SSMEM1: variants seen among roughly 807,000 people sequenced by gnomAD.
The protein encoded by SSMEM1 is serine-rich single-pass membrane protein 1.
In SSMEM1, 12 loss-of-function variants were observed where a neutral mutation model predicts 9.9. The ratio of observed to expected loss-of-function variants is 1.21; its 90% CI spans 0.78 to 1.96. The LOEUF is 1.96. Ranked by LOEUF, SSMEM1 falls within the 30% of genes most tolerant of loss-of-function variation. The probability of loss-of-function intolerance (pLI) is 0.00; values close to 1 mark genes in which losing one functional copy is unlikely to be tolerated. For synonymous variants in SSMEM1, 96 were observed against 98.9 expected (o/e 0.97, Z 0.17); for missense variants, 259 against 292.2 (o/e 0.89, Z 0.83).
rs1283189590 is a variant in SSMEM1 at position 130,216,608 on chromosome 7, G to C, written c.*138G>C. The C allele has an allele frequency of 1.0e-5, 11 of 1,101,424 alleles. No homozygotes were observed. The East Asian group carries it at 2.2e-4, about 22-fold the overall frequency. The allele number at this position is 1,101,424 out of a possible 1,614,324, so 68.2% of individuals were successfully genotyped here. A position where few individuals can be genotyped will look rare whatever the true frequency, so the allele number is the denominator to read the frequency against. On this transcript the variant is annotated 3_prime_UTR_variant, in exon 3 of 3. Transcript: ENST00000297819. ...AAACAAAAACATACTTGGAACCCAA[G>C]AGGTAAAATCTCACACAATTCTTCG...
chr7:130,212,616 T>C (rs182396538), intron 1 of SSMEM1, among the ~76,000 whole-genome samples: 4 of 151,654 alleles, frequency 2.6e-5, no homozygotes, highest in African/African-American at 9.7e-5. Flanking sequence ...TCCCAGCTAC[T>C]CGGGAGGCTG....
rs562554721 is a variant in SSMEM1, at chr7:130,210,824, G to C, written c.184-2656G>C. Among the ~76,000 whole-genome samples the C allele has an allele frequency of 2.0e-5, 3 of 152,268 alleles. No homozygotes were observed. The East Asian group carries it at 5.8e-4, about 29-fold the overall frequency. On this transcript the variant is annotated intron_variant, in intron 1 of 2. Coordinates refer to ENST00000297819, the MANE Select transcript of SSMEM1 (RefSeq NM_145268.4). ...GCAAAATCTTTCTTTTGATTTTGTG[G>C]CTATGTTTTGATTTGACATCAAATG...
At position 130,216,437 on chromosome 7, in the gene SSMEM1, A is replaced by G. The variant is rs761477001; in HGVS notation, c.702A>G (p.Ile234Met). ...GAGACAGTCAAGAGGAAAGTTCCAT[A>G]TCTGACATTAACAAGAAATTTAGTA... The part of the protein sequence containing the change: ...MKRDSQEESS[I>M]SDINKKFSKF The change falls in exon 3 of 3, where the codon ATA (isoleucine) becomes ATG (methionine). Residue 234 changes from isoleucine to methionine, a missense_variant. Coordinates refer to ENST00000297819, the MANE Select transcript of SSMEM1 (RefSeq NM_145268.4). The G allele has an allele frequency of 1.2e-6, 2 of 1,611,296 alleles. No individual in the cohort carries two copies. The highest frequency in any genetic ancestry group is 2.2e-5 in the South Asian group (2 of 90,964).
upstream of SSMEM1, among the ~76,000 whole-genome samples, chr7:130,206,009 C>A (rs1326261405): frequency 6.6e-6 from 1 of 152,154 alleles, no homozygotes; most frequent in Non-Finnish European, 1.5e-5. Context: ...AATTCTTAAT[C>A]TGTTTAATAG....
In SSMEM1 at chr7:130,207,961, T is replaced by C; in HGVS notation, c.51T>C (p.Pro17=). 6.2e-7 allele frequency: 1 copy of C among 1,614,078 alleles called. No individual in the cohort carries two copies. The change falls in exon 1 of 3, where the codon CCT becomes CCC. Residue 17 remains proline, a synonymous_variant. Coordinates refer to ENST00000297819, the MANE Select transcript of SSMEM1 (RefSeq NM_145268.4). ...GGGAGGTAGATCCTCCCCCAATACCTGTAAATTGTGCCATTCCAAATCAGG... is the reference window on the plus strand; with the variant it reads ...GGGAGGTAGATCCTCCCCCAATACCCGTAAATTGTGCCATTCCAAATCAGG... ...LFWEVDPPPI[P]VNCAIPNQDY... is the part of the protein sequence containing the mutation.
rs201599270 is a variant in SSMEM1 at position 130,216,514 on chromosome 7, T to C, written c.*44T>C. 2.0e-4 allele frequency: 311 copies of C among 1,579,658 alleles called. No homozygotes were observed. In the African/African-American group the frequency reaches 3.8e-3, roughly 19 times the overall value. On this transcript the variant is annotated 3_prime_UTR_variant, in exon 3 of 3. Coordinates refer to ENST00000297819, the MANE Select transcript of SSMEM1 (RefSeq NM_145268.4). ...TTCACTTGAAGCCAAATGAAAGAGA[T>C]GAATAAAACATGAAAAATCACCAGA...
chr7:130,207,932 T>A lies in SSMEM1; in HGVS notation c.22T>A (p.Phe8Ile). The A allele has an allele frequency of 1.2e-6, 2 of 1,613,680 alleles. No individual in the cohort carries two copies. Among genetic ancestry groups the A allele is most frequent in the Non-Finnish European group, 1.7e-6 (2 of 1,179,834 alleles). MGDLFSL[F>I]WEVDPPPIPV... ...CATCATGGGAGACCTTTTTTCCTTA[T>A]TTTGGGAGGTAGATCCTCCCCCAAT... The change falls in exon 1 of 3, where the codon TTT (phenylalanine) becomes ATT (isoleucine). Residue 8 changes from phenylalanine (F) to isoleucine (I), a missense_variant. Physicochemically the swap from Phe to Ile is conservative, Grantham distance 21. Transcript: ENST00000297819.
At position 130,207,905 on chromosome 7, in the gene SSMEM1, GTCA is replaced by G; in HGVS notation, c.-1_2del. 6.2e-7 allele frequency: 1 copy of G among 1,612,882 alleles called. No individual in the cohort carries two copies. The highest frequency in any genetic ancestry group is 2.2e-5 in the East Asian group (1 of 44,804). On this transcript the variant is annotated 5_prime_UTR_variant, in exon 1 of 3. Transcript: ENST00000297819. Reference sequence around the variant, plus strand: ...GCATGGTTTATTTTCTGAGCAAGGAGTCATCATGGGAGACCTTTTTTCCTTATT... The same window carrying G: ...GCATGGTTTATTTTCTGAGCAAGGAGTCATGGGAGACCTTTTTTCCTTATT...
chr7:130,206,265 C>T (rs1447972138), upstream of SSMEM1, among the ~76,000 whole-genome samples: 1 of 152,092 alleles, frequency 6.6e-6, no homozygotes, highest in Non-Finnish European at 1.5e-5. Flanking sequence ...CGGAGGCCCA[C>T]AGATGCATTT....
At chr7:130,205,558 C>A, upstream of SSMEM1, 1 of 880,492 alleles carries the variant, frequency 1.1e-6, no homozygotes, top group Non-Finnish European at 1.8e-6. Flanking sequence ...AAACAGGTCT[C>A]GGTTTTGCGG....
At chr7:130,206,847 G>A (rs111683011), upstream of SSMEM1, 5,446 of 191,804 alleles carry the variant, frequency 0.028, 345 homozygotes, top group African/African-American at 0.12. Context: ...TTAGTAGGGC[G>A]TGGTGGCATG....
In SSMEM1 at chr7:130,216,005, CA is replaced by C. The variant is rs765301598; in HGVS notation, c.273del (p.Asp92ThrfsTer10). The C allele has an allele frequency of 2.0e-5, 33 of 1,614,036 alleles. No homozygotes were observed. The highest frequency in any genetic ancestry group is 3.3e-5 in the Admixed American group (2 of 59,988). On this transcript the variant is annotated frameshift_variant, in exon 3 of 3. Transcript: ENST00000297819. LOFTEE classifies it low-confidence loss of function (END_TRUNC). ...AAGAGACTTCCTGTAAGCGGCAAAG[CA>C]AAGACAGTGCCTGGGATCCCTCACA... is the stretch of plus-strand genomic sequence containing the variant. ...SKETSCKRQSKDSAWDPSQTM... is the reference protein window; with the variant it reads ...SKETSCKRQSXDSAWDPSQTM...
chr7:130,207,781 A>G (rs1469193694), upstream of SSMEM1: 1 of 949,100 alleles, frequency 1.1e-6, no homozygotes, highest in South Asian at 1.3e-5. Context: ...GTCAGTTCCT[A>G]GAACAGTTGC....
chr7:130,206,566 TGAA>T (rs1337134214), upstream of SSMEM1, among the ~76,000 whole-genome samples: 5 of 152,246 alleles, frequency 3.3e-5, no homozygotes, highest in East Asian at 1.9e-4. Flanking sequence ...GCTGTGCTCT[TGAA>T]GAGCTGTTAA....
chr7:130,216,329 C>T lies in SSMEM1; in HGVS notation c.594C>T (p.Cys198=), dbSNP rs771295690. ...GTTACCAAATGAGCGAAAGGCACTG[C>T]CTCCACTGCAAAGCCTTGAGAACCA... The part of the protein sequence containing the change: ...LGSYQMSERH[C]LHCKALRTNE... The change falls in exon 3 of 3, where the codon TGC becomes TGT. Residue 198 remains cysteine (C), a synonymous_variant. Transcript: ENST00000297819. 6.2e-7 allele frequency: 1 copy of T among 1,614,162 alleles called. No individual in the cohort carries two copies. The highest frequency in any genetic ancestry group is 2.2e-5 in the East Asian group (1 of 44,884).
chr7:130,215,964 T>C lies in SSMEM1; in HGVS notation c.239-10T>C. 1.9e-6 allele frequency: 3 copies of C among 1,611,980 alleles called. No individual in the cohort carries two copies. The highest frequency in any genetic ancestry group is 2.5e-6 in the Non-Finnish European group (3 of 1,178,982). On this transcript the variant is annotated splice_polypyrimidine_tract_variant and intron_variant, in intron 2 of 2. Coordinates refer to ENST00000297819, the MANE Select transcript of SSMEM1 (RefSeq NM_145268.4). ...ATATTACTAACTTGATATGTTTCATTGGTTGTTAGCAAGCAAAGAGACTTC... is the reference window on the plus strand; with the variant it reads ...ATATTACTAACTTGATATGTTTCATCGGTTGTTAGCAAGCAAAGAGACTTC...
chr7:130,216,709 T>A lies in SSMEM1; in HGVS notation c.*239T>A, dbSNP rs1316033614. ...AGATCTATATCTGCTATGATTTTTT[T>A]ATTTGAAATAGCACAAGACAGATAT... is the stretch of plus-strand genomic sequence containing the variant. On this transcript the variant is annotated 3_prime_UTR_variant, in exon 3 of 3. Transcript: ENST00000297819. The A allele has an allele frequency of 7.7e-6, 4 of 516,796 alleles. No individual in the cohort carries two copies. Among genetic ancestry groups the A allele is most frequent in the Non-Finnish European group, 6.8e-6 (2 of 295,504 alleles). 32.0% of individuals were successfully genotyped at this position (516,796 alleles called of 1,614,324 possible).
At chr7:130,210,693 T>A (rs1798574986) in intron 1 of SSMEM1, among the ~76,000 whole-genome samples, 1 of 152,212 alleles carries the variant, frequency 6.6e-6, no homozygotes, top group Non-Finnish European at 1.5e-5. Flanking sequence ...TTTTCTACTC[T>A]GCCCCTCAGG....
chr7:130,211,775 C>CTT (rs888350184), intron 1 of SSMEM1, among the ~76,000 whole-genome samples: 1 of 151,906 alleles, frequency 6.6e-6, no homozygotes, highest in Non-Finnish European at 1.5e-5. Flanking sequence ...TCCTTAAAGT[C>CTT]TTTTTTTTCA....
Sources: gnomAD v4.1 joint callset for allele counts (sites outside exome capture counted in the v4.1 genomes callset) on GRCh38, gnomAD v4.1.1 for gene constraint, MANE v1.5 for transcripts, NCBI Gene and HGNC (gene_info 2026-07-23, HGNC 2026-07-21) for gene names.